The following B4GALNT1 variants were observed in gnomAD, a reference collection of about 807,000 sequenced individuals.
The protein encoded by B4GALNT1 is beta-1,4 N-acetylgalactosaminyltransferase 1.
B4GALNT1 carries 43 observed loss-of-function variants against 55.2 expected under a neutral mutation model. That is an observed-to-expected ratio of 0.78 (90% CI 0.61 to 1.00). The LOEUF is 1.00. Ranked by LOEUF, B4GALNT1 falls within the 50% of genes least tolerant of loss-of-function variation. B4GALNT1 has a pLI of 0.00. For synonymous variants in B4GALNT1, 305 were observed against 311.6 expected, an observed-to-expected ratio of 0.98 and a Z score of 0.22; for missense variants, 664 against 729.7, an observed-to-expected ratio of 0.91 and a Z score of 1.04.
chr12:57,631,247 C>CCT lies in B4GALNT1; in HGVS notation c.334_335dup (p.Ala113GlyfsTer27). On this transcript the variant is annotated frameshift_variant, in exon 3 of 11. Transcript: ENST00000341156. LOFTEE classifies it high-confidence loss of function. ...CCTGCTCTCTTGTGGCAGAGGCAGC[C>CCT]CTCAGCTCTGCAGGGTCAAAGGCCT... is the stretch of plus-strand genomic sequence containing the variant. 6.2e-7 allele frequency: 1 copy of CCT among 1,614,192 alleles called. No homozygotes were observed. The highest frequency in any genetic ancestry group is 1.1e-5 in the South Asian group (1 of 91,088).
chr12:57,624,315 G>A lies in B4GALNT1; in HGVS notation c.*2429C>T. 1 of 629,584 alleles carries A rather than the reference G, an allele frequency of 1.6e-6. No individual in the cohort carries two copies. The highest frequency in any genetic ancestry group is 2.9e-6 in the Non-Finnish European group (1 of 345,206). 39.0% of individuals were successfully genotyped at this position (629,584 alleles called of 1,614,324 possible). A position where few individuals can be genotyped will look rare whatever the true frequency, so the allele number is the denominator to read the frequency against. On this transcript the variant is annotated 3_prime_UTR_variant, in exon 11 of 11. Transcript: ENST00000341156. ...ATTTGTAACTTCCCAACTGGTGCGG[G>A]TCATTACATTTGGTGTGTGTCCCAT...
chr12:57,627,428 T>C (rs1189547111), intron 10 of B4GALNT1, among the ~76,000 whole-genome samples, 190 bp downstream of exon 10: 1 of 147,026 alleles, frequency 6.8e-6, no homozygotes, highest in Admixed American at 6.7e-5. Context: ...AAAAAAAGAG[T>C]ATGCGGGGCT....
Position 57,628,899 on chromosome 12 carries a change from C to G in B4GALNT1, c.816G>C (p.Gln272His), listed in dbSNP as rs757759713. ...YPPGSLPQGA[Q>H]YNISALVTIA... ...TCGTGACTAGAGCGCTGATGTTGTA[C>G]TGGGCTGAGATTGGGGGCACAGGGT... Residue 272 changes from glutamine (Q) to histidine (H), a missense_variant, in exon 8 of 11, where the codon CAG (glutamine) becomes CAC (histidine). Coordinates refer to ENST00000341156, the MANE Select transcript of B4GALNT1 (RefSeq NM_001478.5). The G allele has an allele frequency of 6.2e-7, 1 of 1,614,136 alleles. No homozygotes were observed. Among genetic ancestry groups the G allele is most frequent in the East Asian group, 2.2e-5 (1 of 44,880 alleles).
chr12:57,632,088 G>A lies in B4GALNT1; in HGVS notation c.45C>T (p.Leu15=), dbSNP rs147972727. Residue 15 remains leucine (L), a synonymous_variant, in exon 2 of 11, where the codon CTC becomes CTT. Coordinates refer to ENST00000341156, the MANE Select transcript of B4GALNT1 (RefSeq NM_001478.5). The part of the protein sequence containing the change: ...RRALCALVLL[L]ACASLGLLYA... ...ACAGGAGCCCCAGCGAGGCGCAGGCGAGCAGAAGGACCAGAGCGCACAGGG... is the reference window on the plus strand; with the variant it reads ...ACAGGAGCCCCAGCGAGGCGCAGGCAAGCAGAAGGACCAGAGCGCACAGGG... The A allele has an allele frequency of 6.9e-7, 1 of 1,448,120 alleles. No individual in the cohort carries two copies. 89.7% of individuals were successfully genotyped at this position (1,448,120 alleles called of 1,614,324 possible). A position where few individuals can be genotyped will look rare whatever the true frequency, so the allele number is the denominator to read the frequency against.
chr12:57,624,398 TC>T lies in B4GALNT1; in HGVS notation c.*2345del. ...TTTCCACTTCTTCCTGGATCATCTC[TC>T]CCCATCACTTGCCTTGGTAGTCACT... is the stretch of plus-strand genomic sequence containing the variant. On this transcript the variant is annotated 3_prime_UTR_variant, in exon 11 of 11. Transcript: ENST00000341156. 1 of 613,574 alleles carries T rather than the reference TC, an allele frequency of 1.6e-6. No homozygotes were observed. Among genetic ancestry groups the T allele is most frequent in the South Asian group, 1.6e-5 (1 of 62,464 alleles). The allele number at this position is 613,574 out of a possible 1,614,324, so 38.0% of individuals were successfully genotyped here.
intron 6 of B4GALNT1, 123 bp downstream of exon 6, chr12:57,630,029 G>A: frequency 1.3e-6 from 2 of 1,574,292 alleles, no homozygotes; most frequent in Non-Finnish European, 1.7e-6. Flanking sequence ...CACCCATTGT[G>A]TGGCTGGACA....
Position 57,624,114 on chromosome 12 carries a change from A to T in B4GALNT1, c.*2630T>A. 1 of 1,611,550 alleles carries T rather than the reference A, an allele frequency of 6.2e-7. No homozygotes were observed. The highest frequency in any genetic ancestry group is 8.5e-7 in the Non-Finnish European group (1 of 1,178,408). Reference sequence around the variant, plus strand: ...AGTGGACTTTGTGAGAAATGCCATTACCCCCAGATTGCCCCCTCTCATCTT... The same window carrying T: ...AGTGGACTTTGTGAGAAATGCCATTTCCCCCAGATTGCCCCCTCTCATCTT... On this transcript the variant is annotated 3_prime_UTR_variant, in exon 11 of 11. Transcript: ENST00000341156.
chr12:57,625,902 C>T lies in B4GALNT1; in HGVS notation c.*842G>A. The T allele has an allele frequency of 2.4e-6, 2 of 821,324 alleles. No homozygotes were observed. The highest frequency in any genetic ancestry group is 3.7e-5 in the Admixed American group (1 of 27,308). The allele number at this position is 821,324 out of a possible 1,614,324, so 50.9% of individuals were successfully genotyped here. A position where few individuals can be genotyped will look rare whatever the true frequency, so the allele number is the denominator to read the frequency against. ...GGGTGAGGAACTGAAGAACTCAGATCCCTAAGTAGGTGGGGTACCCCTGAG... is the reference window on the plus strand; with the variant it reads ...GGGTGAGGAACTGAAGAACTCAGATTCCTAAGTAGGTGGGGTACCCCTGAG... On this transcript the variant is annotated 3_prime_UTR_variant, in exon 11 of 11. Transcript: ENST00000341156.
In B4GALNT1 at chr12:57,628,206, C is replaced by T. The variant is rs2140244526; in HGVS notation, c.1059G>A (p.Leu353=). Residue 353 remains leucine (L), a synonymous_variant, in exon 9 of 11, where the codon CTG becomes CTA. Coordinates refer to ENST00000341156, the MANE Select transcript of B4GALNT1 (RefSeq NM_001478.5). Reference sequence around the variant, plus strand: ...TGAAGACGAAGTCGTCGTCCACCCACAGCACGTACTTGGTGGTTACTTGAG... The same window carrying T: ...TGAAGACGAAGTCGTCGTCCACCCATAGCACGTACTTGGTGGTTACTTGAG... The part of the protein sequence containing the change: ...AVSQVTTKYV[L]WVDDDFVFTA... 1 of 1,614,304 alleles carries T rather than the reference C, an allele frequency of 6.2e-7. No homozygotes were observed. Among genetic ancestry groups the T allele is most frequent in the Middle Eastern group, 1.6e-4 (1 of 6,062 alleles).
rs1885251367 is a variant in B4GALNT1 at position 57,632,043 on chromosome 12, C to A, written c.90G>T (p.Ala30=). 1.4e-6 allele frequency: 2 copies of A among 1,446,070 alleles called. No homozygotes were observed. The highest frequency in any genetic ancestry group is 2.9e-5 in the Admixed American group (1 of 34,682). 89.6% of individuals were successfully genotyped at this position (1,446,070 alleles called of 1,614,324 possible). A position where few individuals can be genotyped will look rare whatever the true frequency, so the allele number is the denominator to read the frequency against. ...LGLLYASTRD[A]PGLRLPLAPW... Reference sequence around the variant, plus strand: ...GCGCAAGAGGTAGCCGGAGGCCGGGCGCGTCCCGGGTGCTCGCGTACAGGA... The same window carrying A: ...GCGCAAGAGGTAGCCGGAGGCCGGGAGCGTCCCGGGTGCTCGCGTACAGGA... Residue 30 remains alanine, a synonymous_variant, in exon 2 of 11, where the codon GCG becomes GCT. Transcript: ENST00000341156.
chr12:57,626,503 G>A lies in B4GALNT1; in HGVS notation c.*241C>T, dbSNP rs919814271. On this transcript the variant is annotated 3_prime_UTR_variant, in exon 11 of 11. Transcript: ENST00000341156. ...CCTGCCCCATGAGAATGGGCAGGGG[G>A]AGGACTTGGCACTGGCTGTGGGAGA... The A allele has an allele frequency of 3.6e-5, 20 of 555,450 alleles. No individual in the cohort carries two copies. Among genetic ancestry groups the A allele is most frequent in the South Asian group, 2.9e-4 (14 of 48,130 alleles). 34.4% of individuals were successfully genotyped at this position (555,450 alleles called of 1,614,324 possible). A position where few individuals can be genotyped will look rare whatever the true frequency, so the allele number is the denominator to read the frequency against.
rs369487777 is a variant in B4GALNT1, at chr12:57,623,865, C to T, written c.*2879G>A. On this transcript the variant is annotated 3_prime_UTR_variant, in exon 11 of 11. Transcript: ENST00000341156. Reference sequence around the variant, plus strand: ...CAGGCCTCTTCTCCTGCACAGTGGTCCTGTCGGTGCTGCTGTGGCTGGGGC... The same window carrying T: ...CAGGCCTCTTCTCCTGCACAGTGGTTCTGTCGGTGCTGCTGTGGCTGGGGC... The T allele has an allele frequency of 1.2e-6, 2 of 1,613,974 alleles. No individual in the cohort carries two copies. Among genetic ancestry groups the T allele is most frequent in the Non-Finnish European group, 1.7e-6 (2 of 1,180,026 alleles).
intron 8 of B4GALNT1, 78 bp from the exon 9 acceptor site, chr12:57,628,340 G>A (rs1884980212): frequency 6.3e-7 from 1 of 1,588,850 alleles, no homozygotes. Flanking sequence ...TCTCTCCCCC[G>A]ACCCTTCTCA....
chr12:57,629,181 G>T (rs368520505), intron 6 of B4GALNT1, 35 bp from the exon 7 acceptor site: 11 of 1,510,706 alleles, frequency 7.3e-6, no homozygotes, highest in Non-Finnish European at 9.0e-6. Context: ...GACCCTGAAG[G>T]GTGGGATAAC....
chr12:57,625,697 C>A lies in B4GALNT1; in HGVS notation c.*1047G>T, dbSNP rs777124245. 4.5e-6 allele frequency: 7 copies of A among 1,550,124 alleles called. No homozygotes were observed. In the East Asian group the frequency reaches 1.1e-4, roughly 25 times the overall value. On this transcript the variant is annotated 3_prime_UTR_variant, in exon 11 of 11. Transcript: ENST00000341156. ...ATGCCCTGGGGAGCCTGTTAAGGGG[C>A]AGTAGCACCAGGAGCGGGAGCCAGG...
Position 57,630,290 on chromosome 12 carries a change from C to T in B4GALNT1, c.574G>A (p.Glu192Lys). The change falls in exon 6 of 11, where the codon GAA (glutamate) becomes AAA (lysine). Residue 192 changes from glutamate to lysine, a missense_variant. Physicochemically the swap from Glu to Lys is moderately conservative, Grantham distance 56 (BLOSUM62 1). Coordinates refer to ENST00000341156, the MANE Select transcript of B4GALNT1 (RefSeq NM_001478.5). ...ASLGTWDVAG[E>K]VTGVTLTGEG... ...CCAGTGAGAGTAACTCCAGTCACTT[C>T]CCCTGCCACGTCCCAGGTGCCTAGG... 3 of 1,614,190 alleles carry T rather than the reference C, an allele frequency of 1.9e-6. No homozygotes were observed. Among genetic ancestry groups the T allele is most frequent in the Non-Finnish European group, 2.5e-6 (3 of 1,180,022 alleles).
Position 57,630,316 on chromosome 12 carries a change from G to A in B4GALNT1, c.548C>T (p.Ser183Phe), listed in dbSNP as rs1306699342. 6.2e-7 allele frequency: 1 copy of A among 1,614,042 alleles called. No individual in the cohort carries two copies. The change falls in exon 6 of 11, where the codon TCC becomes TTC. Residue 183 changes from serine to phenylalanine, a missense_variant. Physicochemically the swap from Ser to Phe is radical, Grantham distance 155. Transcript: ENST00000341156. ...QEVYQVNLTA[S>F]LGTWDVAGEV... ...CCCTGCCACGTCCCAGGTGCCTAGG[G>A]AGGCAGTCAGGTTCACCTAGGAGGG...
rs1884841547 is a variant in B4GALNT1, at chr12:57,626,831, A to G, written c.1515T>C (p.Arg505=). Residue 505 remains arginine, a synonymous_variant, in exon 11 of 11, where the codon CGT becomes CGC. Coordinates refer to ENST00000341156, the MANE Select transcript of B4GALNT1 (RefSeq NM_001478.5). ...GGCTCTCGTCCAGTGATCCTGGGTA[A>G]CGGTACCGGGCGTAAGTCTCTGCTC... ...DAGAETYARY[R]YPGSLDESQM... 2 of 1,614,088 alleles carry G rather than the reference A, an allele frequency of 1.2e-6. No homozygotes were observed. The highest frequency in any genetic ancestry group is 1.7e-6 in the Non-Finnish European group (2 of 1,180,046).
chr12:57,630,948 C>T (rs1363504199), intron 4 of B4GALNT1, 32 bp downstream of exon 4: 1 of 1,590,514 alleles, frequency 6.3e-7, no homozygotes, highest in South Asian at 1.1e-5. Flanking sequence ...CCCACTGTGG[C>T]TGAGGTCATC....
Sources: allele counts gnomAD v4.1 joint callset (sites outside exome capture counted in the v4.1 genomes callset), GRCh38; gene constraint gnomAD v4.1.1; transcripts MANE v1.5; gene names NCBI Gene and HGNC (gene_info 2026-07-23, HGNC 2026-07-21).